Variants in CREBBP observed in about 807,000 individuals in gnomAD.
CREBBP encodes CREB-binding protein.
In CREBBP, 19 loss-of-function variants were observed where a neutral mutation model predicts 265.0. The observed-to-expected ratio is 0.07, with a 90% CI of 0.05 to 0.11. The LOEUF is 0.11. Among genes scored for constraint, CREBBP ranks in the 10% least tolerant of loss-of-function variants. The pLI, the probability that CREBBP is intolerant of heterozygous loss-of-function variation, is 1.00. For missense variants in CREBBP, 2,525 were observed against 3,219.0 expected, an observed-to-expected ratio of 0.78 and a Z score of 5.22; for synonymous variants, 1,457 against 1,223.7, an observed-to-expected ratio of 1.19 and a Z score of -3.98.
At chr16:3,766,866 T>C (rs1220201445) in intron 16 of CREBBP, among the ~76,000 whole-genome samples, 1 of 152,164 alleles carries the variant, frequency 6.6e-6, no homozygotes, top group Non-Finnish European at 1.5e-5. Context: ...CAATGATAGA[T>C]AATCCACACA....
At chr16:3,801,815 C>T (rs757291531) in intron 3 of CREBBP, among the ~76,000 whole-genome samples, 10 of 152,032 alleles carry the variant, frequency 6.6e-5, no homozygotes, top group African/African-American at 2.2e-4. Flanking sequence ...GTTTCTGGAG[C>T]GAGGATCATT....
At chr16:3,788,935 G>C (rs2053447482) in intron 5 of CREBBP, among the ~76,000 whole-genome samples, 1 of 152,226 alleles carries the variant, frequency 6.6e-6, no homozygotes, top group Non-Finnish European at 1.5e-5. Flanking sequence ...CTGGGTGACA[G>C]AGCAAGACTC....
In CREBBP at chr16:3,739,607, G is replaced by A. The variant is rs61731412; in HGVS notation, c.4251C>T (p.Tyr1417=). Residue 1417 remains tyrosine (Y), a synonymous_variant, in exon 25 of 31, where the codon TAC becomes TAT. Coordinates refer to ENST00000262367, the MANE Select transcript of CREBBP (RefSeq NM_004380.3). The part of the protein sequence containing the change: ...VCFFGMHVQE[Y]GSDCPPPNTR... ...TGTTTGGAGGGGGGCAATCAGAGCC[G>A]TATTCTTGGACGTGCATTCCAAAAA... 85 of 1,614,162 alleles carry A rather than the reference G, an allele frequency of 5.3e-5. No homozygotes were observed. The African/African-American group carries it at 9.3e-4, about 18-fold the overall frequency.
chr16:3,822,777 A>G (rs545898869), intron 2 of CREBBP, among the ~76,000 whole-genome samples: 1 of 152,378 alleles, frequency 6.6e-6, no homozygotes, highest in East Asian at 1.9e-4. Context: ...TAACAAAAAC[A>G]TAATTAGCAA....
intron 19 of CREBBP, among the ~76,000 whole-genome samples, chr16:3,752,762 A>C (rs1327041387): frequency 2.0e-5 from 3 of 152,232 alleles, no homozygotes; most frequent in African/African-American, 7.2e-5. Context: ...GGGCAATCCA[A>C]GTTAAGTGAA....
Position 3,731,458 on chromosome 16 carries a change from G to A in CREBBP, c.4906C>T (p.His1636Tyr), listed in dbSNP as rs1041379163. 1 of 1,590,108 alleles carries A rather than the reference G, an allele frequency of 6.3e-7. No individual in the cohort carries two copies. The highest frequency in any genetic ancestry group is 1.3e-5 in the African/African-American group (1 of 74,768). ...TTGATGACAGGCCCAGCGTGCAGGTGGATCACGAAGAAGACCTGCAGGAGA... is the reference window on the plus strand; with the variant it reads ...TTGATGACAGGCCCAGCGTGCAGGTAGATCACGAAGAAGACCTGCAGGAGA... ...EKHKEVFFVI[H>Y]LHAGPVINTL... is the part of the protein sequence containing the mutation. The change falls in exon 30 of 31, where the codon CAC (histidine) becomes TAC (tyrosine). Residue 1636 changes from histidine (H) to tyrosine (Y), a missense_variant. This residue lies in a region of CREBBP where 93 missense variants were observed against 161.5 expected (regional missense o/e 0.58). Transcript: ENST00000262367. The surrounding 1 kb of genome is among the most constrained non-coding windows in gnomAD (Gnocchi z 7.7).
chr16:3,749,869 T>G (rs1010964721), intron 20 of CREBBP, among the ~76,000 whole-genome samples, 186 bp from the exon 21 acceptor site: 3 of 152,170 alleles, frequency 2.0e-5, no homozygotes, highest in Non-Finnish European at 4.4e-5. Context: ...AACACTACAA[T>G]GTCTTTTTCT....
rs2141231322 is a variant in CREBBP at position 3,777,758 on chromosome 16, A to C, written c.2114-101T>G. ...TTTCTTATTAGGACTTCAAACTTAA[A>C]AGGGAAAACAGCCAATAGGTCCAAA... On this transcript the variant is annotated intron_variant, in intron 10 of 30. Coordinates refer to ENST00000262367, the MANE Select transcript of CREBBP (RefSeq NM_004380.3). 12 of 1,406,382 alleles carry C rather than the reference A, an allele frequency of 8.5e-6. No individual in the cohort carries two copies. In the South Asian group the frequency reaches 1.4e-4, roughly 17 times the overall value. 87.1% of individuals were successfully genotyped at this position (1,406,382 alleles called of 1,614,324 possible).
rs1363922020 is a variant in CREBBP, at chr16:3,727,464, AAAAAC to A, written c.*249_*253del. 5.3e-6 allele frequency: 1 copy of A among 187,338 alleles called. No homozygotes were observed. The highest frequency in any genetic ancestry group is 2.6e-5 in the African/African-American group (1 of 38,228). The allele number at this position is 187,338 out of a possible 1,614,324, so 11.6% of individuals were successfully genotyped here. A position where few individuals can be genotyped will look rare whatever the true frequency, so the allele number is the denominator to read the frequency against. ...AAACAAAACCCCCCTCCCCCCAAAC[AAAAAC>A]AAAACGGAAAAAAAAGAACCCCCCC... On this transcript the variant is annotated 3_prime_UTR_variant, in exon 31 of 31. Transcript: ENST00000262367.
intron 3 of CREBBP, among the ~76,000 whole-genome samples, chr16:3,794,927 C>T (rs767402648): frequency 3.9e-5 from 6 of 152,222 alleles, no homozygotes; most frequent in Non-Finnish European, 5.9e-5. Flanking sequence ...GTACGCCACT[C>T]GGATTTTTTA....
intron 2 of CREBBP, among the ~76,000 whole-genome samples, chr16:3,817,266 C>T (rs1189314927): frequency 6.6e-6 from 1 of 152,216 alleles, no homozygotes; most frequent in Non-Finnish European, 1.5e-5. Flanking sequence ...GAGCTTTCCA[C>T]TTGCACACAG....
intron 21 of CREBBP, 87 bp downstream of exon 21, chr16:3,749,540 T>C: frequency 1.2e-6 from 1 of 864,940 alleles, no homozygotes; most frequent in Non-Finnish European, 1.9e-6. Context: ...ATTTCCAATG[T>C]TTTTACCCAC....
At chr16:3,766,992 T>C (rs1173192218) in intron 16 of CREBBP, among the ~76,000 whole-genome samples, 3 of 152,182 alleles carry the variant, frequency 2.0e-5, no homozygotes, top group African/African-American at 7.2e-5. Flanking sequence ...GTCTCTAACA[T>C]TTCTCTGCAA....
At chr16:3,833,130 T>C (rs563845948) in intron 2 of CREBBP, among the ~76,000 whole-genome samples, 13 of 152,332 alleles carry the variant, frequency 8.5e-5, no homozygotes, top group Non-Finnish European at 1.8e-4. Flanking sequence ...AACATTGTGC[T>C]GGCCAGGCAC....
At chr16:3,793,229 G>T (rs950785438) in intron 4 of CREBBP, among the ~76,000 whole-genome samples, 157 bp downstream of exon 4, 3 of 152,192 alleles carry the variant, frequency 2.0e-5, no homozygotes, top group Non-Finnish European at 2.9e-5. Flanking sequence ...CCTGACTGTC[G>T]TCGCGTGGGG....
chr16:3,834,308 G>A (rs964775138), intron 2 of CREBBP, among the ~76,000 whole-genome samples: 3 of 152,216 alleles, frequency 2.0e-5, no homozygotes, highest in African/African-American at 7.2e-5. Flanking sequence ...GCACATGGAT[G>A]TATATGGCAG....
intron 13 of CREBBP, among the ~76,000 whole-genome samples, chr16:3,772,973 A>G (rs2053050448): frequency 6.7e-6 from 1 of 150,326 alleles, no homozygotes; most frequent in African/African-American, 2.4e-5. Flanking sequence ...CTGTAACCCC[A>G]GGTACTTGGC....
chr16:3,759,780 A>G (rs998633203), intron 16 of CREBBP, among the ~76,000 whole-genome samples: 1 of 152,180 alleles, frequency 6.6e-6, no homozygotes, highest in African/African-American at 2.4e-5. Context: ...ACATTTACTA[A>G]TGCCAATTTC....
At chr16:3,825,905 T>C (rs1232805511) in intron 2 of CREBBP, among the ~76,000 whole-genome samples, 1 of 152,242 alleles carries the variant, frequency 6.6e-6, no homozygotes, top group Non-Finnish European at 1.5e-5. Context: ...TCTTTATGTA[T>C]GAATTTTAAT....
Sources: allele counts gnomAD v4.1 joint callset (sites outside exome capture counted in the v4.1 genomes callset), GRCh38; gene constraint gnomAD v4.1.1; regional missense constraint gnomAD v4.1.1; non-coding constraint Gnocchi (gnomAD v3.1); transcripts MANE v1.5; gene names NCBI Gene and HGNC (gene_info 2026-07-23, HGNC 2026-07-21).